Variants in CELF2 observed in about 807,000 individuals in gnomAD.
CELF2 encodes CUG triplet repeat RNA-binding protein 2.
CELF2 carries 8 observed loss-of-function variants against 62.6 expected under a neutral mutation model. That is an observed-to-expected ratio of 0.13 (90% confidence interval 0.07 to 0.23). CELF2 has a LOEUF of 0.23. Ranked by LOEUF, CELF2 falls within the 10% of genes least tolerant of loss-of-function variation. The probability of loss-of-function intolerance (pLI) is 1.00; values close to 1 mark genes in which losing one functional copy is unlikely to be tolerated. For missense variants in CELF2, 333 were observed against 671.0 expected, an observed-to-expected ratio of 0.50 and a Z score of 5.56; for synonymous variants, 258 against 250.0, an observed-to-expected ratio of 1.03 and a Z score of -0.30.
chr10:10,901,647 G>T (rs1319615311), intron 1 of CELF2, among the ~76,000 whole-genome samples: 2 of 151,704 alleles, frequency 1.3e-5, no homozygotes, highest in African/African-American at 4.8e-5. Context: ...CCAAAAGCTA[G>T]TACATTGGAC....
intron 1 of CELF2, among the ~76,000 whole-genome samples, chr10:10,869,739 C>A (rs192829833): frequency 6.6e-6 from 1 of 152,150 alleles, no homozygotes; most frequent in Non-Finnish European, 1.5e-5. Context: ...TCTACTTCCT[C>A]TGCACCCCTC....
At chr10:10,498,986 A>G in the CELF2 span, among the ~76,000 whole-genome samples, 29 of 151,972 alleles carry the variant, frequency 1.9e-4, no homozygotes, top group African/African-American at 6.8e-4. Context: ...AGTCAAAGAG[A>G]GTCTGCATGG....
upstream of CELF2, among the ~76,000 whole-genome samples, chr10:11,013,580 A>C (rs2056812612): frequency 6.6e-6 from 1 of 152,214 alleles, no homozygotes; most frequent in Non-Finnish European, 1.5e-5. This position sits in a 1 kb window ranked among gnomAD's most constrained non-coding sequence, Gnocchi z 4.1. Context: ...ACAAGATTGC[A>C]AAAAATAAAA....
chr10:10,969,988 GA>G (rs1351169772), intron 2 of CELF2, among the ~76,000 whole-genome samples: 2 of 152,200 alleles, frequency 1.3e-5, no homozygotes, highest in Non-Finnish European at 2.9e-5. Flanking sequence ...CCAAGCCATG[GA>G]GGGGGGCGGC....
chr10:10,950,326 T>TTC (rs1446854757), intron 2 of CELF2, among the ~76,000 whole-genome samples: 4 of 151,966 alleles, frequency 2.6e-5, no homozygotes, highest in Non-Finnish European at 5.9e-5. Context: ...TCTCATGTGC[T>TTC]TCTCTCTGTG....
intron 3 of CELF2, among the ~76,000 whole-genome samples, chr10:11,219,680 C>T (rs2064263831): frequency 1.3e-5 from 2 of 152,196 alleles, no homozygotes; most frequent in African/African-American, 4.8e-5. Context: ...GTACACATTA[C>T]CCTTAACAGC....
chr10:10,499,655 A>C, the CELF2 span, among the ~76,000 whole-genome samples: 1 of 152,144 alleles, frequency 6.6e-6, no homozygotes, highest in South Asian at 2.1e-4. Flanking sequence ...CAAGGCGGGC[A>C]GATCATGAGG....
chr10:10,634,218 T>C, the CELF2 span, among the ~76,000 whole-genome samples: 219 of 152,276 alleles, frequency 1.4e-3, 2 homozygotes, highest in African/African-American at 4.8e-3. Flanking sequence ...CTTTAAGTTT[T>C]CTTTGAGTTA....
chr10:10,988,536 G>A (rs768818971), intron 2 of CELF2, among the ~76,000 whole-genome samples: 2 of 151,864 alleles, frequency 1.3e-5, no homozygotes, highest in Non-Finnish European at 2.9e-5. Context: ...AGGTGGTGAG[G>A]GATAACAGAC....
chr10:11,162,119 C>T (rs1158645837), intron 1 of CELF2, among the ~76,000 whole-genome samples: 2 of 151,962 alleles, frequency 1.3e-5, no homozygotes, highest in East Asian at 1.9e-4. Flanking sequence ...GGAGAGTGGT[C>T]GGTGGGACAG....
At chr10:10,520,664 A>G in the CELF2 span, among the ~76,000 whole-genome samples, 4 of 152,162 alleles carry the variant, frequency 2.6e-5, no homozygotes, top group African/African-American at 9.7e-5. Flanking sequence ...ACAATATGAG[A>G]TGCAACCAGC....
intron 2 of CELF2, among the ~76,000 whole-genome samples, chr10:10,974,178 T>G (rs1449557748): frequency 6.6e-6 from 1 of 152,208 alleles, no homozygotes; most frequent in African/African-American, 2.4e-5. Flanking sequence ...AGATAATTTA[T>G]GATGTGTGCC....
At chr10:10,769,774 T>A in the CELF2 span, among the ~76,000 whole-genome samples, 24 of 151,776 alleles carry the variant, frequency 1.6e-4, no homozygotes, top group South Asian at 1.0e-3. Context: ...CAAAAAATAA[T>A]AATAATAATA....
chr10:10,719,756 C>A, the CELF2 span, among the ~76,000 whole-genome samples: 3 of 152,142 alleles, frequency 2.0e-5, no homozygotes, highest in South Asian at 2.1e-4. Flanking sequence ...AAAAATGGGA[C>A]CTATCTACCC....
At position 10,892,798 on chromosome 10, in the gene CELF2, A is replaced by G. The variant is rs113311626; in HGVS notation, c.54-27166A>G. Among the ~76,000 whole-genome samples the G allele has an allele frequency of 9.6e-3, 1,460 of 152,296 alleles. 29 individuals are homozygous for G. The highest frequency in any genetic ancestry group is 0.033 in the African/African-American group (1,367 of 41,568). ...TTGTAAATCTACCATGGAGGAAGGC[A>G]TTGGGTATTGACATAGAGGAGAGAA... On this transcript the variant is annotated intron_variant, in intron 1 of 13. Transcript: ENST00000636488.
At chr10:10,603,730 T>C in the CELF2 span, among the ~76,000 whole-genome samples, 1 of 151,790 alleles carries the variant, frequency 6.6e-6, no homozygotes, top group African/African-American at 2.4e-5. Flanking sequence ...CAGAAAGTAG[T>C]GAGATCTCTA....
At chr10:11,101,856 C>T (rs573138264) in intron 1 of CELF2, among the ~76,000 whole-genome samples, 1 of 152,244 alleles carries the variant, frequency 6.6e-6, no homozygotes, top group African/African-American at 2.4e-5. Context: ...ATGATCTGTA[C>T]TTTTGTTGAC....
the CELF2 span, among the ~76,000 whole-genome samples, chr10:10,471,932 C>G: frequency 6.6e-6 from 1 of 151,746 alleles, no homozygotes; most frequent in Non-Finnish European, 1.5e-5. Context: ...CCAATATTAT[C>G]CAGGCTCCAT....
intron 2 of CELF2, among the ~76,000 whole-genome samples, chr10:10,998,523 T>A (rs950885420): frequency 6.6e-6 from 1 of 152,148 alleles, no homozygotes; most frequent in Non-Finnish European, 1.5e-5. Flanking sequence ...AGGAACTGAT[T>A]TAAGGAAATG....
Sources: gnomAD v4.1 joint callset for allele counts (sites outside exome capture counted in the v4.1 genomes callset) on GRCh38, gnomAD v4.1.1 for gene constraint, Gnocchi (gnomAD v3.1) non-coding constraint, MANE v1.5 for transcripts, NCBI Gene and HGNC (gene_info 2026-07-23, HGNC 2026-07-21) for gene names.